YEATS4: variants seen among roughly 807,000 people sequenced by gnomAD.
The protein encoded by YEATS4 is YEATS domain containing 4, also known as YEATS domain-containing protein 4.
A neutral mutation model predicts 30.1 loss-of-function variants in YEATS4; 17 were observed. The observed-to-expected ratio is 0.56, with a 90% CI of 0.39 to 0.85. YEATS4 has a LOEUF of 0.85. Among genes scored for constraint, YEATS4 ranks in the 40% least tolerant of loss-of-function variants. YEATS4 has a pLI of 0.00. For missense variants in YEATS4, 142 were observed against 268.3 expected (o/e 0.53, Z 3.29); for synonymous variants, 85 against 87.5 (o/e 0.97, Z 0.16).
Position 69,390,403 on chromosome 12 carries a change from T to C in YEATS4, c.*87T>C. 2.3e-6 allele frequency: 3 copies of C among 1,283,606 alleles called. No homozygotes were observed. Among genetic ancestry groups the C allele is most frequent in the East Asian group, 5.1e-5 (2 of 38,918 alleles). 79.5% of individuals were successfully genotyped at this position (1,283,606 alleles called of 1,614,324 possible). A position where few individuals can be genotyped will look rare whatever the true frequency, so the allele number is the denominator to read the frequency against. ...AATGGACTTACTGCAAATGCTGTGA[T>C]GTTTCTTAGAGGAACTTCATATACA... is the stretch of plus-strand genomic sequence containing the variant. On this transcript the variant is annotated 3_prime_UTR_variant, in exon 7 of 7. Coordinates refer to ENST00000247843, the MANE Select transcript of YEATS4 (RefSeq NM_006530.4).
At chr12:69,362,013 G>GTTTTTTTTTT (rs533225716) in intron 1 of YEATS4, among the ~76,000 whole-genome samples, 11 of 69,060 alleles carry the variant, frequency 1.6e-4, no homozygotes, top group Admixed American at 1.6e-4. Flanking sequence ...GTGTTTGGTT[G>GTTTTTTTTTT]TTTTTTTTTT....
the YEATS4 span, chr12:69,422,966 G>T: frequency 6.6e-6 from 1 of 152,182 alleles, no homozygotes; most frequent in Non-Finnish European, 1.5e-5. Context: ...TAATGGTGCT[G>T]TTCCATGACC....
At chr12:69,417,406 C>T in the YEATS4 span, among the ~76,000 whole-genome samples, 25 of 152,002 alleles carry the variant, frequency 1.6e-4, no homozygotes, top group African/African-American at 5.3e-4. Context: ...GTAATCCTCC[C>T]GCCTCAGCCT....
At chr12:69,417,153 AATTTTT>A in the YEATS4 span, among the ~76,000 whole-genome samples, 1 of 136,378 alleles carries the variant, frequency 7.3e-6, no homozygotes. Context: ...ATTTTTTAAA[AATTTTT>A]TTTTTTTTTT....
downstream of YEATS4, among the ~76,000 whole-genome samples, chr12:69,394,403 A>G (rs1868336306): frequency 2.6e-5 from 4 of 152,234 alleles, no homozygotes; most frequent in South Asian, 8.3e-4. Flanking sequence ...AAGGAGCAAA[A>G]GACTTGAATA....
chr12:69,413,509 C>T, the YEATS4 span, among the ~76,000 whole-genome samples: 6 of 75,822 alleles, frequency 7.9e-5, no homozygotes, highest in South Asian at 1.4e-3. Context: ...GGGTCTTCAA[C>T]GCCCCCCCCA....
the YEATS4 span, chr12:69,401,288 T>A: frequency 6.6e-6 from 1 of 152,222 alleles, no homozygotes; most frequent in African/African-American, 2.4e-5. Context: ...GTTCATTGCT[T>A]GTTTTAATAG....
At chr12:69,397,678 TGTCTTTATTAGCAGC>T in the YEATS4 span, among the ~76,000 whole-genome samples, 1 of 152,224 alleles carries the variant, frequency 6.6e-6, no homozygotes, top group African/African-American at 2.4e-5. Context: ...AATTTTGGTA[TGTCTTTATTAGCAGC>T]ATGAAAATGG....
the YEATS4 span, among the ~76,000 whole-genome samples, chr12:69,412,885 A>G: frequency 1.3e-5 from 2 of 152,248 alleles, no homozygotes; most frequent in African/African-American, 4.8e-5. Context: ...CTGAGGCTTC[A>G]TAGGAGTTAG....
At chr12:69,424,121 A>G in the YEATS4 span, among the ~76,000 whole-genome samples, 1 of 152,216 alleles carries the variant, frequency 6.6e-6, no homozygotes, top group Non-Finnish European at 1.5e-5. Context: ...AAGACCCTGG[A>G]TTCTTGGTGA....
the YEATS4 span, among the ~76,000 whole-genome samples, chr12:69,404,824 A>C: frequency 6.6e-6 from 1 of 152,036 alleles, no homozygotes; most frequent in Non-Finnish European, 1.5e-5. Flanking sequence ...ATATTATGTG[A>C]CCCTTCCCTC....
At chr12:69,371,821 A>G (rs1048788766) in intron 6 of YEATS4, among the ~76,000 whole-genome samples, 6 of 152,246 alleles carry the variant, frequency 3.9e-5, no homozygotes, top group African/African-American at 1.2e-4. Context: ...GGCAGGGAGC[A>G]TCTTTGGTGG....
chr12:69,360,532 A>AT (rs1208634197), intron 1 of YEATS4, among the ~76,000 whole-genome samples: 24 of 152,242 alleles, frequency 1.6e-4, no homozygotes, highest in African/African-American at 5.8e-4. Flanking sequence ...AAGCAAGAGC[A>AT]TAACACTGTG....
intron 6 of YEATS4, among the ~76,000 whole-genome samples, chr12:69,379,068 G>A (rs1875972855): frequency 2.6e-5 from 4 of 152,256 alleles, no homozygotes; most frequent in African/African-American, 9.6e-5. Context: ...CACTTTAAAT[G>A]TCATGCCACT....
intron 2 of YEATS4, 26 bp downstream of exon 2, chr12:69,362,933 G>A (rs1875277418): frequency 7.9e-7 from 1 of 1,265,360 alleles, no homozygotes; most frequent in African/African-American, 1.7e-5. Flanking sequence ...TTCTGTAACT[G>A]TTTTACTTAA....
chr12:69,388,048 A>G (rs56114345), intron 6 of YEATS4, among the ~76,000 whole-genome samples: 2 of 72,180 alleles, frequency 2.8e-5, no homozygotes, highest in African/African-American at 9.9e-5. Flanking sequence ...GAATTTTTTT[A>G]TTTTTTTTAT....
At chr12:69,415,273 A>G in the YEATS4 span, among the ~76,000 whole-genome samples, 2 of 152,172 alleles carry the variant, frequency 1.3e-5, no homozygotes, top group Admixed American at 1.3e-4. Flanking sequence ...ACCAACATTT[A>G]GTGTCAAAAA....
Position 69,359,886 on chromosome 12 carries a change from G to A in YEATS4, c.-87G>A. ...AGAAACCCTCCGCCTGGGCCCGCGC[G>A]ACAGGAGCGCGGTCTCTGAGGGGAG... is the stretch of plus-strand genomic sequence containing the variant. On this transcript the variant is annotated 5_prime_UTR_variant, in exon 1 of 7. Coordinates refer to ENST00000247843, the MANE Select transcript of YEATS4 (RefSeq NM_006530.4). 1.3e-6 allele frequency: 2 copies of A among 1,547,082 alleles called. No individual in the cohort carries two copies. The highest frequency in any genetic ancestry group is 1.8e-6 in the Non-Finnish European group (2 of 1,131,336).
intron 6 of YEATS4, among the ~76,000 whole-genome samples, chr12:69,373,839 A>G (rs996692583): frequency 6.6e-6 from 1 of 152,234 alleles, no homozygotes; most frequent in Non-Finnish European, 1.5e-5. Flanking sequence ...ATTCTTCTGC[A>G]TATAGATATC....
Sources: allele counts gnomAD v4.1 joint callset (sites outside exome capture counted in the v4.1 genomes callset), GRCh38; gene constraint gnomAD v4.1.1; transcripts MANE v1.5; gene names NCBI Gene and HGNC (gene_info 2026-07-23, HGNC 2026-07-21).